AOAH: variants seen among roughly 807,000 people sequenced by gnomAD.
AOAH encodes the protein acyloxyacyl hydrolase (neutrophil).
A neutral mutation model predicts 92.2 loss-of-function variants in AOAH; 64 were observed. The ratio of observed to expected loss-of-function variants is 0.69; its 90% CI spans 0.57 to 0.86. The LOEUF is 0.86. Among genes scored for constraint, AOAH ranks in the 40% least tolerant of loss-of-function variants. AOAH has a pLI of 0.00. For synonymous variants in AOAH, 263 were observed against 254.5 expected, an observed-to-expected ratio of 1.03 and a Z score of -0.32; for missense variants, 656 against 694.6, an observed-to-expected ratio of 0.94 and a Z score of 0.62.
intron 5 of AOAH, among the ~76,000 whole-genome samples, chr7:36,633,995 C>G (rs1225042814): frequency 6.6e-6 from 1 of 152,218 alleles, no homozygotes; most frequent in East Asian, 1.9e-4. Context: ...CCAAATGTCC[C>G]CAGGGTGGGA....
intron 20 of AOAH, chr7:36,514,359 G>C: frequency 1.3e-6 from 1 of 756,534 alleles, no homozygotes; most frequent in Non-Finnish European, 2.1e-6. Flanking sequence ...ACTGGGTGGG[G>C]GGTGGGATCC....
At chr7:36,687,815 C>T (rs1268799666) in intron 1 of AOAH, among the ~76,000 whole-genome samples, 1 of 152,164 alleles carries the variant, frequency 6.6e-6, no homozygotes, top group African/African-American at 2.4e-5. Flanking sequence ...ACCAAATTCC[C>T]AGCAGGATTC....
At chr7:36,709,208 T>C (rs1798612867) in intron 1 of AOAH, among the ~76,000 whole-genome samples, 1 of 152,160 alleles carries the variant, frequency 6.6e-6, no homozygotes, top group South Asian at 2.1e-4. Context: ...TGCTTGTTAA[T>C]TCCCAACGGC....
At chr7:36,673,596 C>T (rs1296632351) in intron 3 of AOAH, among the ~76,000 whole-genome samples, 1 of 151,998 alleles carries the variant, frequency 6.6e-6, no homozygotes, top group Non-Finnish European at 1.5e-5. Context: ...TGTGATAATG[C>T]GAGGAGCAAG....
At chr7:36,595,679 T>G (rs1790054806) in intron 11 of AOAH, among the ~76,000 whole-genome samples, 1 of 152,234 alleles carries the variant, frequency 6.6e-6, no homozygotes. Flanking sequence ...TTGTTATTTA[T>G]CCTAAGCTCA....
chr7:36,527,594 G>T (rs960462141), intron 19 of AOAH, among the ~76,000 whole-genome samples: 1 of 152,118 alleles, frequency 6.6e-6, no homozygotes, highest in Non-Finnish European at 1.5e-5. Flanking sequence ...TGGTGGTGGC[G>T]GGGGACGGCC....
intron 13 of AOAH, among the ~76,000 whole-genome samples, chr7:36,563,174 AAAAAAAAAAAG>A (rs1787410040): frequency 6.8e-6 from 1 of 147,238 alleles, no homozygotes; most frequent in African/African-American, 2.5e-5. Flanking sequence ...AAAAAAAAAA[AAAAAAAAAAAG>A]GCAATGGGAG....
At position 36,530,477 on chromosome 7, in the gene AOAH, G is replaced by A. The variant is rs1173274751; in HGVS notation, c.1463C>T (p.Ala488Val). 6.2e-7 allele frequency: 1 copy of A among 1,613,692 alleles called. No individual in the cohort carries two copies. The highest frequency in any genetic ancestry group is 8.5e-7 in the Non-Finnish European group (1 of 1,179,768). The change falls in exon 19 of 21, where the codon GCA (alanine) becomes GTA (valine). Residue 488 changes from alanine (A) to valine (V), a missense_variant. Physicochemically the swap from Ala to Val is moderately conservative, Grantham distance 64. Transcript: ENST00000617537. ...EQLSNTLKKI[A>V]ASEKFTNFNL... ...GAAGTTTGTAAATTTCTCACTGGCT[G>A]CAATTTTTTTCAGTGTGTTGGAGAG... is the stretch of plus-strand genomic sequence containing the variant.
intron 4 of AOAH, among the ~76,000 whole-genome samples, chr7:36,639,512 A>G (rs1691006290): frequency 6.6e-6 from 1 of 152,216 alleles, no homozygotes; most frequent in Admixed American, 6.5e-5. Flanking sequence ...AAAAGAAAAT[A>G]GTTACGATAT....
At chr7:36,692,101 G>A (rs1230423766) in intron 1 of AOAH, among the ~76,000 whole-genome samples, 5 of 152,224 alleles carry the variant, frequency 3.3e-5, no homozygotes, top group Non-Finnish European at 7.3e-5. Flanking sequence ...TGATGGTTGT[G>A]TAAGTGTGGG....
intron 19 of AOAH, among the ~76,000 whole-genome samples, chr7:36,523,578 T>C (rs1784221137): frequency 6.6e-6 from 1 of 151,108 alleles, no homozygotes. Context: ...AGGCACAGTT[T>C]TGGGGAAGCT....
At chr7:36,668,315 C>T (rs1795686254) in intron 3 of AOAH, among the ~76,000 whole-genome samples, 1 of 152,198 alleles carries the variant, frequency 6.6e-6, no homozygotes, top group Non-Finnish European at 1.5e-5. Flanking sequence ...ATTTTTAACA[C>T]AGTCTTGTCT....
chr7:36,579,086 C>G (rs1330016258), intron 12 of AOAH, among the ~76,000 whole-genome samples: 1 of 152,094 alleles, frequency 6.6e-6, no homozygotes, highest in Non-Finnish European at 1.5e-5. Flanking sequence ...ACAGTACCAA[C>G]AGGGATGGTG....
chr7:36,549,890 TG>T (rs1246735271), intron 13 of AOAH, among the ~76,000 whole-genome samples: 1 of 152,204 alleles, frequency 6.6e-6, no homozygotes, highest in African/African-American at 2.4e-5. Flanking sequence ...CCCACCTCCT[TG>T]GAGAGCCCCA....
At chr7:36,556,753 T>C (rs1786753275) in intron 13 of AOAH, among the ~76,000 whole-genome samples, 1 of 136,952 alleles carries the variant, frequency 7.3e-6, no homozygotes, top group Non-Finnish European at 1.6e-5. Context: ...CTTCTTTGTC[T>C]CTTTTGATCT....
chr7:36,535,871 T>C (rs6976747), intron 16 of AOAH, among the ~76,000 whole-genome samples: 18,894 of 152,226 alleles, frequency 0.12, 1,351 homozygotes, highest in East Asian at 0.22. Context: ...CTGGCCAAGC[T>C]TGACTTTTCT....
At chr7:36,532,005 A>T in intron 18 of AOAH, 142 bp downstream of exon 18, 1 of 952,478 alleles carries the variant, frequency 1.0e-6, no homozygotes, top group Non-Finnish European at 1.6e-6. Context: ...TCGGCTCCTC[A>T]AGCACCTGGA....
chr7:36,631,856 A>AAACG (rs765999009), intron 6 of AOAH, among the ~76,000 whole-genome samples, 180 bp downstream of exon 6: 2 of 152,160 alleles, frequency 1.3e-5, no homozygotes, highest in Non-Finnish European at 2.9e-5. Flanking sequence ...TATATTTCCC[A>AAACG]AACGATTTTC....
chr7:36,699,492 A>T (rs905181433), intron 1 of AOAH, among the ~76,000 whole-genome samples: 2 of 151,960 alleles, frequency 1.3e-5, no homozygotes, highest in Admixed American at 6.6e-5. Flanking sequence ...TGGGGGTGAG[A>T]TCATGTCTCA....
Sources: allele counts gnomAD v4.1 joint callset (sites outside exome capture counted in the v4.1 genomes callset), GRCh38; gene constraint gnomAD v4.1.1; transcripts MANE v1.5; gene names NCBI Gene and HGNC (gene_info 2026-07-23, HGNC 2026-07-21).